Variants in OTOGL observed in about 807,000 individuals in gnomAD.
The protein encoded by OTOGL is otogelin-like protein.
OTOGL carries 285 observed loss-of-function variants against 318.5 expected under a neutral mutation model. The observed-to-expected ratio is 0.89, with a 90% CI of 0.81 to 0.99. The LOEUF (loss-of-function observed/expected upper bound fraction) is 0.99. OTOGL is among the 50% of genes least tolerant of loss of function. OTOGL has a pLI of 0.00. For synonymous variants in OTOGL, 987 were observed against 936.5 expected, an observed-to-expected ratio of 1.05 and a Z score of -0.99; for missense variants, 2,899 against 2,845.6, an observed-to-expected ratio of 1.02 and a Z score of -0.43.
At chr12:80,353,705 T>C (rs1889703688) in intron 46 of OTOGL, among the ~76,000 whole-genome samples, 195 bp downstream of exon 46, 1 of 152,212 alleles carries the variant, frequency 6.6e-6, no homozygotes, top group South Asian at 2.1e-4. Flanking sequence ...AGTGGTAATA[T>C]GTTTTAATCT....
At chr12:80,173,692 C>T (rs1418035642) in intron 1 of OTOGL, among the ~76,000 whole-genome samples, 1 of 152,148 alleles carries the variant, frequency 6.6e-6, no homozygotes, top group Non-Finnish European at 1.5e-5. Flanking sequence ...CTTATTTTTC[C>T]CAGTCCCTAT....
chr12:80,162,251 G>A (rs903892642), intron 1 of OTOGL, among the ~76,000 whole-genome samples: 1 of 152,048 alleles, frequency 6.6e-6, no homozygotes, highest in Non-Finnish European at 1.5e-5. Flanking sequence ...TCATATTTTT[G>A]TCATTGCTCA....
chr12:80,202,502 A>G lies in OTOGL; in HGVS notation c.-19-6911A>G, dbSNP rs1876529924. The stretch of plus-strand genomic sequence containing the variant: ...TGGCCAGACAGGTCTCAAACTCCTG[A>G]CCACAGGTGATCCGCCTGCCTTGGC... On this transcript the variant is annotated intron_variant, in intron 1 of 58. Transcript: ENST00000547103. Among the ~76,000 whole-genome samples the G allele has an allele frequency of 2.0e-5, 3 of 152,052 alleles. No homozygotes were observed. The South Asian group carries it at 6.2e-4, about 31-fold the overall frequency.
At chr12:80,366,686 A>G in intron 53 of OTOGL, 49 bp downstream of exon 53, 2 of 736,604 alleles carry the variant, frequency 2.7e-6, no homozygotes, top group Non-Finnish European at 3.5e-6. Context: ...TATCATTAGT[A>G]TCTGTTTTTT....
rs748709182 is a variant in OTOGL at position 80,370,577 on chromosome 12, G to A, written c.6623G>A (p.Ser2208Asn). 3.9e-6 allele frequency: 6 copies of A among 1,532,232 alleles called. No homozygotes were observed. In the South Asian group the frequency reaches 5.3e-5, roughly 13 times the overall value. 94.9% of individuals were successfully genotyped at this position (1,532,232 alleles called of 1,614,324 possible). Reference sequence around the variant, plus strand: ...TTTCTTTTTGATTTTTAGGTAGGGAGTACCTGGCACTACAATTGCACCACA... The same window carrying A: ...TTTCTTTTTGATTTTTAGGTAGGGAATACCTGGCACTACAATTGCACCACA... Reference protein sequence around the residue: ...NGTSVVYAVGSTWHYNCTTYE... With the variant: ...NGTSVVYAVGNTWHYNCTTYE... Residue 2208 changes from serine (S) to asparagine (N), a missense_variant, in exon 56 of 59, where the codon AGT becomes AAT. Physicochemically the swap from Ser to Asn is conservative, Grantham distance 46. Transcript: ENST00000547103.
intron 35 of OTOGL, among the ~76,000 whole-genome samples, chr12:80,326,293 A>G (rs11114403): frequency 0.51 from 77,878 of 151,828 alleles, 22,119 homozygotes; most frequent in East Asian, 0.72. Context: ...CTGCCAAGTA[A>G]CATACCATAG....
chr12:80,298,095 T>C (rs1885530245), intron 27 of OTOGL, among the ~76,000 whole-genome samples: 1 of 152,214 alleles, frequency 6.6e-6, no homozygotes, highest in African/African-American at 2.4e-5. Flanking sequence ...TTACTGAATA[T>C]CAAAATGTGC....
At chr12:80,292,237 C>T (rs1051178024) in intron 26 of OTOGL, among the ~76,000 whole-genome samples, 2 of 152,192 alleles carry the variant, frequency 1.3e-5, no homozygotes, top group African/African-American at 4.8e-5. Context: ...ATCAGCCTGC[C>T]TCGGCCTCCC....
intron 26 of OTOGL, among the ~76,000 whole-genome samples, chr12:80,279,685 C>A (rs576331334): frequency 2.0e-4 from 31 of 151,588 alleles, no homozygotes; most frequent in Non-Finnish European, 3.4e-4. Flanking sequence ...TTATCCTTTC[C>A]ACTGTTGATG....
intron 8 of OTOGL, among the ~76,000 whole-genome samples, chr12:80,231,559 T>A (rs1055077408): frequency 1.3e-5 from 2 of 152,178 alleles, no homozygotes; most frequent in African/African-American, 4.8e-5. Context: ...TGTATGAATA[T>A]ACCTATTAAC....
rs769094696 is a variant in OTOGL, at chr12:80,217,607, A to T, written c.178A>T (p.Thr60Ser). 1.3e-6 allele frequency: 2 copies of T among 1,543,052 alleles called. No individual in the cohort carries two copies. Among genetic ancestry groups the T allele is most frequent in the Non-Finnish European group, 1.8e-6 (2 of 1,139,944 alleles). ...TTTCTTTCTTTCAAAGTTTGAAGCTACTTCTCCGAGATACTTTTTCCATGA... is the reference window on the plus strand; with the variant it reads ...TTTCTTTCTTTCAAAGTTTGAAGCTTCTTCTCCGAGATACTTTTTCCATGA... ...RALLAAQFEATSPRYFFHDAI... is the reference protein window; with the variant it reads ...RALLAAQFEASSPRYFFHDAI... The change falls in exon 5 of 59, where the codon ACT (threonine) becomes TCT (serine). Residue 60 changes from threonine to serine, a missense_variant. Around this residue, in one of 3 missense-constraint regions of OTOGL, gnomAD observed 2,607 missense variants for 2,524.9 expected, o/e 1.03. Coordinates refer to ENST00000547103, the MANE Select transcript of OTOGL (RefSeq NM_001378609.3).
At chr12:80,173,081 C>T (rs574553787) in intron 1 of OTOGL, among the ~76,000 whole-genome samples, 15 of 152,192 alleles carry the variant, frequency 9.9e-5, no homozygotes, top group Non-Finnish European at 2.2e-4. Flanking sequence ...ACATGTACCC[C>T]TGAACTTAAA....
intron 1 of OTOGL, among the ~76,000 whole-genome samples, chr12:80,170,056 A>G (rs1874084934): frequency 6.6e-6 from 1 of 152,034 alleles, no homozygotes; most frequent in South Asian, 2.1e-4. Context: ...TGGTAAGTGG[A>G]TGTTTATCTT....
intron 35 of OTOGL, among the ~76,000 whole-genome samples, chr12:80,324,388 A>G (rs1485179797): frequency 6.6e-6 from 1 of 152,176 alleles, no homozygotes; most frequent in Non-Finnish European, 1.5e-5. Context: ...GGTGTGTTCG[A>G]GGATCAGCAA....
chr12:80,261,708 A>G (rs1191429941), intron 18 of OTOGL, among the ~76,000 whole-genome samples: 2 of 152,072 alleles, frequency 1.3e-5, no homozygotes, highest in Admixed American at 1.3e-4. Flanking sequence ...TTCTCTGTAA[A>G]ATGGGGATAA....
chr12:80,152,595 T>TAAACTCAAATA (rs1592500013), intron 1 of OTOGL, among the ~76,000 whole-genome samples: 1 of 152,234 alleles, frequency 6.6e-6, no homozygotes, highest in East Asian at 1.9e-4. Flanking sequence ...TAGTCACCAA[T>TAAACTCAAATA]GACCTTTGAG....
At chr12:80,149,691 C>A (rs2137164946) in intron 1 of OTOGL, among the ~76,000 whole-genome samples, 1 of 152,340 alleles carries the variant, frequency 6.6e-6, no homozygotes, top group East Asian at 1.9e-4. Context: ...GCAGTTTGAT[C>A]TCAGACTGCT....
At chr12:80,112,183 T>G (rs1214323174) in intron 1 of OTOGL, among the ~76,000 whole-genome samples, 16 of 152,210 alleles carry the variant, frequency 1.1e-4, no homozygotes, top group Admixed American at 1.0e-3. Context: ...TACAATCATG[T>G]CATCTAAAAC....
At chr12:80,319,480 G>T (rs1274527812) in intron 33 of OTOGL, among the ~76,000 whole-genome samples, 1 of 152,104 alleles carries the variant, frequency 6.6e-6, no homozygotes, top group African/African-American at 2.4e-5. Flanking sequence ...CCTGTAAAAA[G>T]AACTCTCTTA....
Sources: gnomAD v4.1 joint callset for allele counts (sites outside exome capture counted in the v4.1 genomes callset) on GRCh38, gnomAD v4.1.1 for gene constraint, gnomAD v4.1.1 regional missense constraint, MANE v1.5 for transcripts, NCBI Gene and HGNC (gene_info 2026-07-23, HGNC 2026-07-21) for gene names.